SCOC: variants seen among roughly 807,000 people sequenced by gnomAD.
The protein encoded by SCOC is short coiled-coil protein.
In SCOC, 7 loss-of-function variants were observed where a neutral mutation model predicts 9.9. The observed-to-expected ratio is 0.71, with a 90% CI of 0.40 to 1.33. The LOEUF (loss-of-function observed/expected upper bound fraction) is 1.33. Among genes scored for constraint, SCOC ranks in the 40% most tolerant of loss-of-function variants. The pLI is 0.01. For synonymous variants in SCOC, 19 were observed against 28.2 expected (o/e 0.67, Z 1.03); for missense variants, 66 against 89.7 (o/e 0.74, Z 1.07).
intron 3 of SCOC, among the ~76,000 whole-genome samples, chr4:140,380,194 C>CTTTTTTTTTTTTTTTT (rs993271002): frequency 2.4e-4 from 26 of 108,406 alleles, no homozygotes; most frequent in Non-Finnish European, 3.0e-4. Context: ...TTTTCTTTTT[C>CTTTTTTTTTTTTTTTT]TTTTTTTTTT....
At chr4:140,261,558 A>G (rs547585773) in intron 1 of SCOC, among the ~76,000 whole-genome samples, 3 of 152,212 alleles carry the variant, frequency 2.0e-5, no homozygotes, top group Non-Finnish European at 4.4e-5. Flanking sequence ...CATTCATGAA[A>G]TATTTAGTGA....
rs188866267 is a variant in SCOC at position 140,315,399 on chromosome 4, G to A, written c.-18-28222G>A. Among the ~76,000 whole-genome samples, 15 of 152,232 alleles carry A rather than the reference G, an allele frequency of 9.9e-5. No individual in the cohort carries two copies. In the East Asian group the frequency reaches 2.9e-3, roughly 29 times the overall value. On this transcript the variant is annotated intron_variant, in intron 1 of 4. Transcript: ENST00000394205. ...TCAGATGGGTATAATCCTATTCCCT[G>A]TTTATATTTTAGTAAGTGACTGGAG...
chr4:140,367,602 TCTC>T (rs1194918777), intron 2 of SCOC, among the ~76,000 whole-genome samples: 1 of 152,104 alleles, frequency 6.6e-6, no homozygotes, highest in Non-Finnish European at 1.5e-5. Context: ...ATGGTCTTGA[TCTC>T]CTGACCTCAT....
chr4:140,319,396 C>A (rs1257641280), intron 1 of SCOC, among the ~76,000 whole-genome samples: 1 of 152,080 alleles, frequency 6.6e-6, no homozygotes, highest in Non-Finnish European at 1.5e-5. Flanking sequence ...TGGCCCAAAA[C>A]CCAGAACTTC....
At chr4:140,356,012 T>C (rs1471895212) in intron 2 of SCOC, among the ~76,000 whole-genome samples, 1 of 152,196 alleles carries the variant, frequency 6.6e-6, no homozygotes, top group South Asian at 2.1e-4. Context: ...GGTTGGATTA[T>C]GGACATCTGT....
intron 2 of SCOC, among the ~76,000 whole-genome samples, chr4:140,355,904 A>G (rs1727208805): frequency 6.6e-6 from 1 of 152,130 alleles, no homozygotes; most frequent in Non-Finnish European, 1.5e-5. Flanking sequence ...TTTTTTTCAT[A>G]AAAAATGAGA....
upstream of SCOC, among the ~76,000 whole-genome samples, chr4:140,370,406 A>G (rs148933375): frequency 3.6e-3 from 546 of 152,330 alleles, 2 homozygotes; most frequent in South Asian, 0.013. Flanking sequence ...GGTCTTCTAT[A>G]TCAATAGTTC....
At chr4:140,260,046 C>T (rs1032555049) in intron 1 of SCOC, among the ~76,000 whole-genome samples, 1 of 152,184 alleles carries the variant, frequency 6.6e-6, no homozygotes, top group Non-Finnish European at 1.5e-5. Context: ...CCACAGAATA[C>T]CCTGAGACAT....
intron 1 of SCOC, among the ~76,000 whole-genome samples, chr4:140,268,401 C>A: frequency 6.6e-6 from 1 of 152,198 alleles, no homozygotes; most frequent in South Asian, 2.1e-4. Flanking sequence ...TTTACCCTAG[C>A]TGAGCCACTT....
intron 2 of SCOC, among the ~76,000 whole-genome samples, chr4:140,345,609 T>C (rs1257874159): frequency 6.6e-6 from 1 of 152,238 alleles, no homozygotes; most frequent in Non-Finnish European, 1.5e-5. Context: ...ACATCATTCA[T>C]TCAAATTGTG....
exon 1 of SCOC, chr4:140,257,381 C>T (rs192405479): frequency 1.3e-5 from 2 of 152,296 alleles, no homozygotes; most frequent in East Asian, 1.9e-4. Context: ...TATCTTTTCT[C>T]TTCGTCTGCA....
chr4:140,369,400 G>A, upstream of SCOC: 1 of 303,522 alleles, frequency 3.3e-6, no homozygotes, highest in Non-Finnish European at 6.8e-6. Flanking sequence ...TTCTTATTTA[G>A]GAATGAGATG....
At chr4:140,309,200 C>T (rs370453444) in intron 1 of SCOC, among the ~76,000 whole-genome samples, 20 of 152,346 alleles carry the variant, frequency 1.3e-4, no homozygotes, top group Middle Eastern at 3.4e-3. Context: ...TGAAGAGTCA[C>T]GCAGCACCAG....
At chr4:140,267,322 C>T (rs1050996717) in intron 1 of SCOC, among the ~76,000 whole-genome samples, 2 of 152,142 alleles carry the variant, frequency 1.3e-5, no homozygotes, top group African/African-American at 4.8e-5. Flanking sequence ...GTGTTGTCAG[C>T]ATAGTCGTCA....
chr4:140,371,814 T>C (rs77246714), upstream of SCOC, among the ~76,000 whole-genome samples: 2,766 of 152,316 alleles, frequency 0.018, 91 homozygotes, highest in African/African-American at 0.063. Context: ...TGCACACCCA[T>C]GTCCATAGCA....
chr4:140,291,293 G>C (rs944476091), intron 1 of SCOC: 6 of 379,860 alleles, frequency 1.6e-5, no homozygotes, highest in African/African-American at 8.4e-5. Context: ...TTTTGTGATA[G>C]GGGCTGCAAG....
chr4:140,346,797 T>A (rs1726760102), intron 2 of SCOC, among the ~76,000 whole-genome samples: 1 of 152,130 alleles, frequency 6.6e-6, no homozygotes, highest in Admixed American at 6.5e-5. Context: ...TCTAACCACA[T>A]GGCTCCCAAA....
intron 2 of SCOC, among the ~76,000 whole-genome samples, chr4:140,361,345 G>A (rs1201036485): frequency 6.6e-6 from 1 of 151,944 alleles, no homozygotes; most frequent in African/African-American, 2.4e-5. Flanking sequence ...TGCGGCCAAT[G>A]GTGCTTGTTA....
intron 1 of SCOC, among the ~76,000 whole-genome samples, chr4:140,297,504 G>T (rs1731681841): frequency 6.6e-6 from 1 of 152,040 alleles, no homozygotes; most frequent in Admixed American, 6.5e-5. Context: ...CATGGTATTT[G>T]GTCCTTTGAT....
Sources: allele counts gnomAD v4.1 joint callset (sites outside exome capture counted in the v4.1 genomes callset), GRCh38; gene constraint gnomAD v4.1.1; transcripts MANE v1.5; gene names NCBI Gene and HGNC (gene_info 2026-07-23, HGNC 2026-07-21).